Variants in CAPZB observed in about 807,000 individuals in gnomAD.
The protein encoded by CAPZB is capping actin protein of muscle Z-line subunit beta, also known as F-actin-capping protein subunit beta.
Under a neutral mutation model 38.1 loss-of-function variants are expected in CAPZB, and 2 were observed. That is an observed-to-expected ratio of 0.05 (90% CI 0.02 to 0.17). The LOEUF is 0.17. CAPZB is among the 10% of genes least tolerant of loss of function. The pLI, the probability that CAPZB is intolerant of heterozygous loss-of-function variation, is 1.00. For synonymous variants in CAPZB, 107 were observed against 127.4 expected (o/e 0.84, Z 1.08); for missense variants, 161 against 334.2 (o/e 0.48, Z 4.04).
chr1:19,434,872 T>C (rs1397990805), intron 1 of CAPZB, among the ~76,000 whole-genome samples: 1 of 151,962 alleles, frequency 6.6e-6, no homozygotes, highest in Non-Finnish European at 1.5e-5. Context: ...TGAGCCACGA[T>C]TGTGCCACTG....
chr1:19,395,206 G>T (rs1570116646), intron 2 of CAPZB, among the ~76,000 whole-genome samples: 1 of 152,222 alleles, frequency 6.6e-6, no homozygotes, highest in Non-Finnish European at 1.5e-5. Flanking sequence ...CAAGGCGGGG[G>T]TTGTGGTTGG....
intron 8 of CAPZB, among the ~76,000 whole-genome samples, chr1:19,343,710 G>A (rs535172675): frequency 8.3e-4 from 127 of 152,348 alleles, no homozygotes; most frequent in African/African-American, 2.9e-3. Context: ...TGCTCTGTCC[G>A]CCGTGGACCT....
intron 1 of CAPZB, among the ~76,000 whole-genome samples, chr1:19,428,900 T>A (rs1558253284): frequency 6.6e-6 from 1 of 152,100 alleles, no homozygotes; most frequent in African/African-American, 2.4e-5. Context: ...TACACCATCC[T>A]CCTACATTCA....
chr1:19,379,814 G>A lies in CAPZB; in HGVS notation c.216-1161C>T, dbSNP rs79057497. Reference sequence around the variant, plus strand: ...TCCTGCAGGTGGGGTTCAGAGGGCCGAGTGTTCAGAGAAAGTAGCAGAATT... The same window carrying A: ...TCCTGCAGGTGGGGTTCAGAGGGCCAAGTGTTCAGAGAAAGTAGCAGAATT... On this transcript the variant is annotated intron_variant, in intron 3 of 8. Transcript: ENST00000264202. Among the ~76,000 whole-genome samples the A allele has an allele frequency of 8.5e-5, 13 of 152,264 alleles. No individual in the cohort carries two copies. The East Asian group carries it at 1.7e-3, about 20-fold the overall frequency.
chr1:19,422,333 C>T (rs1178887607), intron 1 of CAPZB, among the ~76,000 whole-genome samples: 2 of 152,242 alleles, frequency 1.3e-5, no homozygotes, highest in Admixed American at 6.5e-5. Context: ...CCGGCCCAAA[C>T]GTTAATAGAG....
At chr1:19,348,057 C>G (rs1011171714) in intron 6 of CAPZB, among the ~76,000 whole-genome samples, 1 of 152,124 alleles carries the variant, frequency 6.6e-6, no homozygotes, top group African/African-American at 2.4e-5. Flanking sequence ...GATGAGATGT[C>G]GCTACTAGGA....
chr1:19,344,409 G>A lies in CAPZB; in HGVS notation c.680C>T (p.Thr227Met), dbSNP rs1311754922. Residue 227 changes from threonine (T) to methionine (M), a missense_variant, in exon 8 of 9, where the codon ACG becomes ATG. Transcript: ENST00000264202. ...TTTTCCAAAGTAGATCTCGTTCAGC[G>A]TACTTCTGATTTTATTTTCCATGTC... The part of the protein sequence containing the change: ...VEDMENKIRS[T>M]LNEIYFGKTK... 6.2e-6 allele frequency: 10 copies of A among 1,614,040 alleles called. No homozygotes were observed. Among genetic ancestry groups the A allele is most frequent in the Admixed American group, 1.7e-5 (1 of 60,012 alleles).
intron 1 of CAPZB, among the ~76,000 whole-genome samples, chr1:19,434,214 C>T (rs887134484): frequency 6.6e-6 from 1 of 152,160 alleles, no homozygotes; most frequent in African/African-American, 2.4e-5. Context: ...GGAAGTAAGA[C>T]AGACAAGAGT....
intron 4 of CAPZB, among the ~76,000 whole-genome samples, chr1:19,375,852 C>T (rs1018962207): frequency 2.6e-5 from 4 of 152,214 alleles, no homozygotes; most frequent in African/African-American, 9.6e-5. Flanking sequence ...GGAATAACTC[C>T]CACTTGTCCT....
At chr1:19,479,276 C>T (rs1328550592) in intron 1 of CAPZB, among the ~76,000 whole-genome samples, 3 of 152,194 alleles carry the variant, frequency 2.0e-5, no homozygotes, top group African/African-American at 7.2e-5. Flanking sequence ...CCCGCCACCC[C>T]ACCATCTCCC....
intron 1 of CAPZB, among the ~76,000 whole-genome samples, chr1:19,470,208 G>C (rs2094582394): frequency 6.6e-6 from 1 of 151,832 alleles, no homozygotes; most frequent in Non-Finnish European, 1.5e-5. Context: ...AAAAGCATGA[G>C]ACGCTGTCGC....
At position 19,342,849 on chromosome 1, in the gene CAPZB, G is replaced by T. The variant is rs6656875; in HGVS notation, c.731+1509C>A. On this transcript the variant is annotated intron_variant, in intron 8 of 8. Coordinates refer to ENST00000264202, the MANE Select transcript of CAPZB (RefSeq NM_004930.5). ...ACTGCTTAAACTTTTGGTTGTCAGG[G>T]ATAGCATCAATAGATCTACAGAGAG... 8.6e-3 allele frequency: 13,868 copies of T among 1,604,390 alleles called. 877 individuals carry two copies. The African/African-American group carries it at 0.15, about 17-fold the overall frequency.
chr1:19,384,044 A>C (rs1016561262), intron 3 of CAPZB, among the ~76,000 whole-genome samples: 1 of 152,248 alleles, frequency 6.6e-6, no homozygotes, highest in Admixed American at 6.5e-5. Context: ...CATGATTATA[A>C]AACTGTTGTC....
At chr1:19,441,852 A>G (rs1319932139) in intron 1 of CAPZB, among the ~76,000 whole-genome samples, 1 of 152,100 alleles carries the variant, frequency 6.6e-6, no homozygotes, top group Non-Finnish European at 1.5e-5. Flanking sequence ...TACCAAAAGT[A>G]CAAAAATTAG....
At chr1:19,430,159 T>G (rs35542350) in intron 1 of CAPZB, among the ~76,000 whole-genome samples, 14,631 of 152,212 alleles carry the variant, frequency 0.096, 969 homozygotes, top group Non-Finnish European at 0.14. Context: ...GTGGCAGCAC[T>G]AGCAGAGTCC....
At chr1:19,403,563 G>A (rs950729062) in intron 2 of CAPZB, among the ~76,000 whole-genome samples, 2 of 152,226 alleles carry the variant, frequency 1.3e-5, no homozygotes, top group East Asian at 1.9e-4. Flanking sequence ...TGTGTTCTCC[G>A]GGCTTGATCC....
intron 2 of CAPZB, among the ~76,000 whole-genome samples, chr1:19,409,354 G>A (rs780005072): frequency 6.6e-6 from 1 of 151,892 alleles, no homozygotes; most frequent in South Asian, 2.1e-4. Context: ...AACAAGAAAC[G>A]AATCCACCCA....
chr1:19,420,570 C>T (rs1243536149), intron 1 of CAPZB, among the ~76,000 whole-genome samples: 6 of 150,336 alleles, frequency 4.0e-5, no homozygotes, highest in African/African-American at 1.5e-4. Context: ...GTGCATGCCA[C>T]CACACCTGGC....
At chr1:19,483,302 A>G (rs1252049877) in intron 1 of CAPZB, among the ~76,000 whole-genome samples, 1 of 152,238 alleles carries the variant, frequency 6.6e-6, no homozygotes, top group East Asian at 1.9e-4. Context: ...GCAGCTTGGT[A>G]CAATGGGAAG....
Sources: gnomAD v4.1 joint callset for allele counts (sites outside exome capture counted in the v4.1 genomes callset) on GRCh38, gnomAD v4.1.1 for gene constraint, MANE v1.5 for transcripts, NCBI Gene and HGNC (gene_info 2026-07-23, HGNC 2026-07-21) for gene names.